Variants in PPP2R3A observed in about 807,000 individuals in gnomAD.
PPP2R3A encodes serine/threonine-protein phosphatase 2A regulatory subunit B'' subunit alpha.
A neutral mutation model predicts 106.9 loss-of-function variants in PPP2R3A; 80 were observed. The observed-to-expected ratio is 0.75, with a 90% CI of 0.62 to 0.90. PPP2R3A has a LOEUF of 0.90. Ranked by LOEUF, PPP2R3A falls within the 40% of genes least tolerant of loss-of-function variation. The pLI is 0.00. For synonymous variants in PPP2R3A, 483 were observed against 468.3 expected, an observed-to-expected ratio of 1.03 and a Z score of -0.41; for missense variants, 1,386 against 1,350.4, an observed-to-expected ratio of 1.03 and a Z score of -0.41.
chr3:136,061,399 G>A (rs959449453), intron 5 of PPP2R3A, among the ~76,000 whole-genome samples: 11 of 151,358 alleles, frequency 7.3e-5, no homozygotes, highest in Non-Finnish European at 1.2e-4. Context: ...AAGCCAAGGC[G>A]GGCGGATCAC....
intron 2 of PPP2R3A, chr3:136,023,085 A>G (rs1333559781): frequency 1.3e-5 from 21 of 1,613,290 alleles, no homozygotes; most frequent in Non-Finnish European, 1.8e-5. Context: ...GATCAAGGAA[A>G]CATCTCTACG....
intron 13 of PPP2R3A, among the ~76,000 whole-genome samples, chr3:136,136,066 AAAAAAAATTAT>A (rs1938605037): frequency 5.8e-5 from 2 of 34,228 alleles, no homozygotes; most frequent in Non-Finnish European, 1.0e-4. Context: ...AAAAAAAAAA[AAAAAAAATTAT>A]ATATATATAT....
At chr3:136,054,253 CTTTTTTTTTTTT>C (rs35801926) in intron 5 of PPP2R3A, among the ~76,000 whole-genome samples, 2 of 80,728 alleles carry the variant, frequency 2.5e-5, no homozygotes, top group Non-Finnish European at 4.4e-5. Flanking sequence ...CTTCACAATT[CTTTTTTTTTTTT>C]TTTTTTTTTT....
At chr3:136,106,154 C>T (rs1202542536) in intron 12 of PPP2R3A, 62 bp from the exon 13 acceptor site, 11 of 1,350,804 alleles carry the variant, frequency 8.1e-6, no homozygotes, top group Non-Finnish European at 1.0e-6. Context: ...GTGTGATGAT[C>T]TATCTCCAAT....
chr3:136,134,459 A>G (rs1938530614), intron 13 of PPP2R3A, among the ~76,000 whole-genome samples: 1 of 152,248 alleles, frequency 6.6e-6, no homozygotes, highest in South Asian at 2.1e-4. Context: ...AATGTTCAAT[A>G]TAGAATGGTT....
chr3:136,083,111 C>T (rs1480949387), intron 8 of PPP2R3A, among the ~76,000 whole-genome samples: 1 of 152,164 alleles, frequency 6.6e-6, no homozygotes, highest in Admixed American at 6.5e-5. Flanking sequence ...ACCTCCTGGG[C>T]TCAAGCCATC....
intron 2 of PPP2R3A, among the ~76,000 whole-genome samples, chr3:136,022,321 A>G (rs1235504309): frequency 1.3e-5 from 2 of 152,142 alleles, no homozygotes; most frequent in African/African-American, 4.8e-5. Flanking sequence ...GTTCAAGAAA[A>G]TGTTTGATAA....
chr3:136,045,786 A>T (rs951775347), intron 4 of PPP2R3A, among the ~76,000 whole-genome samples: 1 of 152,128 alleles, frequency 6.6e-6, no homozygotes, highest in African/African-American at 2.4e-5. Flanking sequence ...GGTAGCCCTT[A>T]CTATTAAATG....
In PPP2R3A at chr3:136,001,358, T is replaced by C; in HGVS notation, c.-141T>C. 2 of 736,604 alleles carry C rather than the reference T, an allele frequency of 2.7e-6. No homozygotes were observed. The highest frequency in any genetic ancestry group is 4.4e-6 in the Non-Finnish European group (2 of 456,990). The allele number at this position is 736,604 out of a possible 1,614,324, so 45.6% of individuals were successfully genotyped here. A position where few individuals can be genotyped will look rare whatever the true frequency, so the allele number is the denominator to read the frequency against. ...AACCTCAAATATAAATGGTTTCCCT[T>C]CATGGGAAAAGCCATTATATTTGGA... On this transcript the variant is annotated 5_prime_UTR_variant, in exon 2 of 14. Transcript: ENST00000264977.
chr3:136,061,152 A>T (rs1413881154), intron 5 of PPP2R3A, among the ~76,000 whole-genome samples: 2 of 152,236 alleles, frequency 1.3e-5, no homozygotes, highest in Non-Finnish European at 2.9e-5. Context: ...AAAGTTGAGG[A>T]TATCTTTCAG....
At chr3:136,087,198 CTG>C (rs1182766029) in intron 8 of PPP2R3A, among the ~76,000 whole-genome samples, 3 of 150,510 alleles carry the variant, frequency 2.0e-5, no homozygotes, top group Non-Finnish European at 2.9e-5. Context: ...GAGCAAAACT[CTG>C]TCTCAAAAAT....
intron 3 of PPP2R3A, among the ~76,000 whole-genome samples, chr3:136,040,101 T>C (rs1935214211): frequency 1.3e-5 from 2 of 152,182 alleles, no homozygotes; most frequent in African/African-American, 4.8e-5. Flanking sequence ...TGGGACTTAA[T>C]AACATAATAG....
At chr3:136,021,107 A>C (rs1190501964) in intron 2 of PPP2R3A, among the ~76,000 whole-genome samples, 1 of 152,100 alleles carries the variant, frequency 6.6e-6, no homozygotes, top group African/African-American at 2.4e-5. Context: ...GTGGTTTAAT[A>C]GAATAAGCAT....
At position 136,001,785 on chromosome 3, in the gene PPP2R3A, G is replaced by A. The variant is rs761733530; in HGVS notation, c.287G>A (p.Arg96Lys). Residue 96 changes from arginine (R) to lysine (K), a missense_variant, in exon 2 of 14, where the codon AGG becomes AAG. By Grantham distance (26) the Arg-to-Lys change is conservative. Transcript: ENST00000264977. ...CAACAGGCCTTCACAGGCATACCCA[G>A]GGTCAAGAGAGGATCTACATTTCAG... ...YPQQAFTGIP[R>K]VKRGSTFQNT... 18 of 1,614,016 alleles carry A rather than the reference G, an allele frequency of 1.1e-5. No individual in the cohort carries two copies. The highest frequency in any genetic ancestry group is 2.7e-5 in the African/African-American group (2 of 74,918).
rs1204002454 is a variant in PPP2R3A at position 135,966,054 on chromosome 3, G to GTGCGT, written c.-441+209_-441+213dup. Among the ~76,000 whole-genome samples the GTGCGT allele has an allele frequency of 1.3e-3, 201 of 152,128 alleles. 1 individual carries two copies. Among genetic ancestry groups the GTGCGT allele is most frequent in the African/African-American group, 4.6e-3 (190 of 41,542 alleles). ...ATTCCAGTCGGTGCGGTGCGGTGCG[G>GTGCGT]TGCGTTGCCTCGGCGCGGCCGGCCG... On this transcript the variant is annotated intron_variant, in intron 1 of 13. Coordinates refer to ENST00000264977, the MANE Select transcript of PPP2R3A (RefSeq NM_002718.5).
Position 136,030,562 on chromosome 3 carries a change from A to T in PPP2R3A, c.2262+3464A>T, listed in dbSNP as rs188244189. Among the ~76,000 whole-genome samples the T allele has an allele frequency of 3.4e-4, 52 of 151,164 alleles. No individual in the cohort carries two copies. In the East Asian group the frequency reaches 0.01, roughly 30 times the overall value. Reference sequence around the variant, plus strand: ...TATCCCTCACCCCTTCCCACCCTTTACCCCTTAGTCCCCAAAGTCCATTGT... The same window carrying T: ...TATCCCTCACCCCTTCCCACCCTTTTCCCCTTAGTCCCCAAAGTCCATTGT... On this transcript the variant is annotated intron_variant, in intron 3 of 13. Coordinates refer to ENST00000264977, the MANE Select transcript of PPP2R3A (RefSeq NM_002718.5).
chr3:136,095,349 G>T (rs927331080), intron 10 of PPP2R3A, among the ~76,000 whole-genome samples: 7 of 152,136 alleles, frequency 4.6e-5, no homozygotes, highest in African/African-American at 1.7e-4. Context: ...CTTGCATGTT[G>T]CCTTTCTCCT....
At chr3:136,062,141 C>G (rs1936098868) in intron 5 of PPP2R3A, among the ~76,000 whole-genome samples, 1 of 152,098 alleles carries the variant, frequency 6.6e-6, no homozygotes, top group Non-Finnish European at 1.5e-5. Context: ...AAACCTGATT[C>G]CTGGACATTC....
intron 7 of PPP2R3A, chr3:136,079,245 A>G (rs1936701405): frequency 2.2e-6 from 1 of 446,428 alleles, no homozygotes. Flanking sequence ...CAGTGTTGAT[A>G]TTTATTGAAC....
Sources: gnomAD v4.1 joint callset for allele counts (sites outside exome capture counted in the v4.1 genomes callset) on GRCh38, gnomAD v4.1.1 for gene constraint, MANE v1.5 for transcripts, NCBI Gene and HGNC (gene_info 2026-07-23, HGNC 2026-07-21) for gene names.